SLC19A3: variants seen among roughly 807,000 people sequenced by gnomAD.
SLC19A3 encodes the protein thiamine transporter 2.
Under a neutral mutation model 40.2 loss-of-function variants are expected in SLC19A3, and 31 were observed. The ratio of observed to expected loss-of-function variants is 0.77; its 90% confidence interval spans 0.58 to 1.04. The LOEUF (loss-of-function observed/expected upper bound fraction) is 1.04, where lower values mean the gene tolerates loss of function less well. SLC19A3 is among the 50% of genes least tolerant of loss of function. SLC19A3 has a pLI of 0.00. For synonymous variants in SLC19A3, 212 were observed against 227.5 expected, an observed-to-expected ratio of 0.93 and a Z score of 0.61; for missense variants, 592 against 596.7, an observed-to-expected ratio of 0.99 and a Z score of 0.08.
chr2:227,716,427 C>G (rs1696337639), intron 1 of SLC19A3, among the ~76,000 whole-genome samples: 1 of 152,174 alleles, frequency 6.6e-6, no homozygotes, highest in East Asian at 1.9e-4. Flanking sequence ...CTGGAGACCT[C>G]AAGGTCTCTC....
At position 227,687,119 on chromosome 2, in the gene SLC19A3, G is replaced by T; in HGVS notation, c.*278C>A. 1 of 322,970 alleles carries T rather than the reference G, an allele frequency of 3.1e-6. No individual in the cohort carries two copies. The highest frequency in any genetic ancestry group is 5.1e-5 in the South Asian group (1 of 19,704). 20.0% of individuals were successfully genotyped at this position (322,970 alleles called of 1,614,324 possible). ...CCACGCCATCTGCATGTCTTTACAA[G>T]TGATAAAAACCAGAATTTTCCAGCT... On this transcript the variant is annotated 3_prime_UTR_variant, in exon 6 of 6. Coordinates refer to ENST00000644224, the MANE Select transcript of SLC19A3 (RefSeq NM_025243.4).
intron 3 of SLC19A3, 142 bp downstream of exon 3, chr2:227,698,594 C>T (rs1695534382): frequency 3.7e-6 from 3 of 800,270 alleles, no homozygotes; most frequent in South Asian, 1.5e-5. Flanking sequence ...CCACCATGCC[C>T]GGCCGTGACT....
At chr2:227,712,266 C>T (rs1452712182) in intron 1 of SLC19A3, among the ~76,000 whole-genome samples, 2 of 151,892 alleles carry the variant, frequency 1.3e-5, no homozygotes, top group African/African-American at 2.4e-5. Flanking sequence ...GACACACACA[C>T]ACAAAGGCAA....
intron 4 of SLC19A3, among the ~76,000 whole-genome samples, chr2:227,690,825 G>C (rs2106321091): frequency 6.6e-6 from 1 of 151,546 alleles, no homozygotes; most frequent in South Asian, 2.1e-4. Flanking sequence ...GTAATAGTTG[G>C]AGACTTTAAA....
intron 1 of SLC19A3, among the ~76,000 whole-genome samples, chr2:227,704,988 C>A (rs1297407501): frequency 4.6e-5 from 7 of 151,998 alleles, no homozygotes; most frequent in Admixed American, 3.9e-4. Context: ...TCAAGTGATT[C>A]TCCTGCCTCA....
chr2:227,691,191 T>C (rs1020878742), intron 4 of SLC19A3, among the ~76,000 whole-genome samples: 1 of 151,984 alleles, frequency 6.6e-6, no homozygotes, highest in Admixed American at 6.6e-5. Flanking sequence ...AATGAAGAAA[T>C]TGAGAGAAAC....
rs967428532 is a variant in SLC19A3, at chr2:227,714,406, A to C, written c.-3+3537T>G. ...ACATTTTTCAGTTAATACAGATAGAATCTGAATCTCAGAAGCTGAGGCAGG... is the reference window on the plus strand; with the variant it reads ...ACATTTTTCAGTTAATACAGATAGACTCTGAATCTCAGAAGCTGAGGCAGG... On this transcript the variant is annotated intron_variant, in intron 1 of 5. Coordinates refer to ENST00000644224, the MANE Select transcript of SLC19A3 (RefSeq NM_025243.4). 3.0e-6 allele frequency: 3 copies of C among 984,090 alleles called. No individual in the cohort carries two copies. In the African/African-American group the frequency reaches 5.2e-5, roughly 17 times the overall value. 61.0% of individuals were successfully genotyped at this position (984,090 alleles called of 1,614,324 possible). A position where few individuals can be genotyped will look rare whatever the true frequency, so the allele number is the denominator to read the frequency against.
intron 1 of SLC19A3, among the ~76,000 whole-genome samples, chr2:227,709,392 C>T (rs1043767657): frequency 2.6e-5 from 4 of 152,030 alleles, no homozygotes; most frequent in African/African-American, 7.2e-5. Context: ...GACTGAGGCA[C>T]GAGAATCACT....
Position 227,687,540 on chromosome 2 carries a change from C to A in SLC19A3, c.1348G>T (p.Ala450Ser). 6.2e-7 allele frequency: 1 copy of A among 1,614,020 alleles called. No homozygotes were observed. Among genetic ancestry groups the A allele is most frequent in the South Asian group, 1.1e-5 (1 of 91,072 alleles). The change falls in exon 6 of 6, where the codon GCT (alanine) becomes TCT (serine). Residue 450 changes from alanine to serine, a missense_variant. Coordinates refer to ENST00000644224, the MANE Select transcript of SLC19A3 (RefSeq NM_025243.4). ...LVYGSYFAVI[A>S]GIFLMRSMYI... ...ATGCTTCTCATTAGGAAAATTCCAGCAATTACTGCAAAATAGCTCCCATAA... is the reference window on the plus strand; with the variant it reads ...ATGCTTCTCATTAGGAAAATTCCAGAAATTACTGCAAAATAGCTCCCATAA...
At chr2:227,711,253 A>C (rs1199926165) in intron 1 of SLC19A3, among the ~76,000 whole-genome samples, 3 of 151,912 alleles carry the variant, frequency 2.0e-5, no homozygotes, top group Non-Finnish European at 4.4e-5. Context: ...CCCCGTCTCT[A>C]ATACAAATAC....
At chr2:227,702,618 C>G (rs1695748203) in intron 1 of SLC19A3, 1 of 360,876 alleles carries the variant, frequency 2.8e-6, no homozygotes, top group Admixed American at 4.3e-5. Flanking sequence ...GTCTTGAACT[C>G]CTGACCTCGA....
intron 1 of SLC19A3, chr2:227,706,281 G>C (rs1695939452): frequency 8.1e-7 from 1 of 1,230,102 alleles, no homozygotes; most frequent in South Asian, 4.1e-5. Context: ...TCTAAGGTGA[G>C]GACATGAATT....
chr2:227,700,400 T>C (rs937645844), intron 2 of SLC19A3, among the ~76,000 whole-genome samples: 1 of 151,648 alleles, frequency 6.6e-6, no homozygotes, highest in Non-Finnish European at 1.5e-5. Flanking sequence ...TAGCCATGAA[T>C]GGTGGCAGAC....
At chr2:227,689,760 A>C (rs1695151279) in intron 4 of SLC19A3, among the ~76,000 whole-genome samples, 1 of 152,222 alleles carries the variant, frequency 6.6e-6, no homozygotes, top group Admixed American at 6.5e-5. Flanking sequence ...AAGTAGAAAG[A>C]CTAAAAGATG....
chr2:227,714,705 A>T, intron 1 of SLC19A3: 2 of 137,466 alleles, frequency 1.5e-5, no homozygotes, highest in Non-Finnish European at 2.2e-5. Flanking sequence ...ATCCCATCCA[A>T]AAAAAAAAAA....
chr2:227,702,561 T>C, intron 1 of SLC19A3: 1 of 470,146 alleles, frequency 2.1e-6, no homozygotes, highest in Non-Finnish European at 3.9e-6. Context: ...GACTGGATAA[T>C]TTTGTATTTT....
chr2:227,702,112 T>A, intron 2 of SLC19A3, 57 bp downstream of exon 2: 1 of 1,414,478 alleles, frequency 7.1e-7, no homozygotes, highest in Non-Finnish European at 1.0e-6. Flanking sequence ...TGTATCCTTG[T>A]TCAAGTCCCA....
At chr2:227,687,756 G>A (rs1447641667) in intron 5 of SLC19A3, among the ~76,000 whole-genome samples, 183 bp from the exon 6 acceptor site, 2 of 152,166 alleles carry the variant, frequency 1.3e-5, no homozygotes, top group Non-Finnish European at 2.9e-5. Context: ...GTAAGAAGGT[G>A]TAAGCAATAC....
chr2:227,701,128 G>C (rs1350902301), intron 2 of SLC19A3: 1 of 1,271,468 alleles, frequency 7.9e-7, no homozygotes. Flanking sequence ...TCGGAAACAG[G>C]GTTGTCCCTA....
Sources: allele counts gnomAD v4.1 joint callset (sites outside exome capture counted in the v4.1 genomes callset), GRCh38; gene constraint gnomAD v4.1.1; transcripts MANE v1.5; gene names NCBI Gene and HGNC (gene_info 2026-07-23, HGNC 2026-07-21).